Variants in BBS9 observed in about 807,000 individuals in gnomAD.
BBS9 encodes protein PTHB1.
In BBS9, 89 loss-of-function variants were observed where a neutral mutation model predicts 117.7. The ratio of observed to expected loss-of-function variants is 0.76; its 90% confidence interval spans 0.64 to 0.90. The LOEUF is 0.90. Among genes scored for constraint, BBS9 ranks in the 40% least tolerant of loss-of-function variants. The probability of loss-of-function intolerance (pLI) is 0.00; values close to 1 mark genes in which losing one functional copy is unlikely to be tolerated. For missense variants in BBS9, 982 were observed against 1,042.2 expected, an observed-to-expected ratio of 0.94 and a Z score of 0.80; for synonymous variants, 379 against 370.9, an observed-to-expected ratio of 1.02 and a Z score of -0.25.
intron 7 of BBS9, among the ~76,000 whole-genome samples, chr7:33,270,538 G>A (rs1383739900): frequency 6.6e-6 from 1 of 152,188 alleles, no homozygotes; most frequent in African/African-American, 2.4e-5. Flanking sequence ...TGATAAAGCT[G>A]TAAAACACAC....
At chr7:33,347,695 A>G (rs1817858428) in intron 12 of BBS9, among the ~76,000 whole-genome samples, 1 of 151,838 alleles carries the variant, frequency 6.6e-6, no homozygotes, top group Non-Finnish European at 1.5e-5. Context: ...TTATGTGTTC[A>G]TAATGTTTGT....
At chr7:33,515,418 A>T (rs1192636884) in intron 20 of BBS9, among the ~76,000 whole-genome samples, 2 of 152,168 alleles carry the variant, frequency 1.3e-5, no homozygotes, top group Non-Finnish European at 2.9e-5. Flanking sequence ...AGCATTGTTG[A>T]TGCGGCATTT....
intron 21 of BBS9, among the ~76,000 whole-genome samples, chr7:33,616,074 A>G (rs994168898): frequency 6.6e-6 from 1 of 152,062 alleles, no homozygotes; most frequent in African/African-American, 2.4e-5. Context: ...GAAAAGGAAA[A>G]TAATATAGGT....
At chr7:33,493,141 T>A (rs752773852) in intron 19 of BBS9, among the ~76,000 whole-genome samples, 4 of 152,098 alleles carry the variant, frequency 2.6e-5, no homozygotes, top group Non-Finnish European at 5.9e-5. Flanking sequence ...ATTACAGGCA[T>A]GAGCCACTAT....
chr7:33,158,575 C>G (rs1794404283), intron 4 of BBS9, among the ~76,000 whole-genome samples: 1 of 152,028 alleles, frequency 6.6e-6, no homozygotes, highest in African/African-American at 2.4e-5. Context: ...GTGCTATTAC[C>G]TGACATTTAA....
Position 33,328,424 on chromosome 7 carries a change from G to A in BBS9, c.1017-8017G>A, listed in dbSNP as rs886820798. Among the ~76,000 whole-genome samples the A allele has an allele frequency of 5.3e-5, 8 of 152,190 alleles. 1 individual carries two copies. Among genetic ancestry groups the A allele is most frequent in the Non-Finnish European group, 1.2e-4 (8 of 68,032 alleles). On this transcript the variant is annotated intron_variant, in intron 9 of 22. Coordinates refer to ENST00000242067, the MANE Select transcript of BBS9 (RefSeq NM_198428.3). Reference sequence around the variant, plus strand: ...TAGCAGATGCTCAATAAAAATGTCTGAAATGATTAATGGTGGATTGATTAA... The same window carrying A: ...TAGCAGATGCTCAATAAAAATGTCTAAAATGATTAATGGTGGATTGATTAA...
chr7:33,498,535 T>C (rs994692249), intron 19 of BBS9, among the ~76,000 whole-genome samples: 6 of 152,032 alleles, frequency 3.9e-5, no homozygotes, highest in Non-Finnish European at 7.4e-5. Flanking sequence ...CCCCCAGCCC[T>C]AAGCAACTAT....
chr7:33,292,949 T>C (rs1007268920), intron 9 of BBS9, among the ~76,000 whole-genome samples: 1 of 150,210 alleles, frequency 6.7e-6, no homozygotes, highest in East Asian at 2.0e-4. Flanking sequence ...GAGGTTGCAG[T>C]CAGCTGAGAT....
chr7:33,335,767 A>G (rs1815225638), intron 9 of BBS9, among the ~76,000 whole-genome samples: 1 of 152,146 alleles, frequency 6.6e-6, no homozygotes, highest in African/African-American at 2.4e-5. Context: ...AAATGGGACA[A>G]TTGGCTGCTT....
At chr7:33,535,260 C>A (rs111604392) in intron 21 of BBS9, among the ~76,000 whole-genome samples, 1 of 152,210 alleles carries the variant, frequency 6.6e-6, no homozygotes, top group Admixed American at 6.5e-5. Flanking sequence ...AATGTAATAA[C>A]GCTTGCCCTG....
chr7:33,140,174 G>A (rs1354720221), intron 1 of BBS9, among the ~76,000 whole-genome samples: 9 of 151,942 alleles, frequency 5.9e-5, no homozygotes, highest in Admixed American at 1.3e-4. Flanking sequence ...ACAGGCACCC[G>A]CCACCACACC....
At chr7:33,527,065 TCAGG>T (rs1849650397) in intron 20 of BBS9, among the ~76,000 whole-genome samples, 1 of 151,342 alleles carries the variant, frequency 6.6e-6, no homozygotes, top group Non-Finnish European at 1.5e-5. Context: ...TGCTCGGGGG[TCAGG>T]GGTCAGGCAC....
chr7:33,425,145 A>G (rs1290663185), intron 19 of BBS9, among the ~76,000 whole-genome samples: 2 of 152,114 alleles, frequency 1.3e-5, no homozygotes, highest in African/African-American at 2.4e-5. Flanking sequence ...CCATTTTGTT[A>G]TCTACCATTC....
intron 5 of BBS9, among the ~76,000 whole-genome samples, chr7:33,212,034 T>C (rs1788127965): frequency 6.6e-6 from 1 of 152,232 alleles, no homozygotes; most frequent in Non-Finnish European, 1.5e-5. Flanking sequence ...GTTTGATTAT[T>C]AGATGCCTTG....
At chr7:33,338,880 C>T (rs1408962637) in intron 10 of BBS9, among the ~76,000 whole-genome samples, 3 of 152,078 alleles carry the variant, frequency 2.0e-5, no homozygotes, top group African/African-American at 4.8e-5. Flanking sequence ...GGACTGGGTG[C>T]AACATTGAGA....
chr7:33,141,716 A>C (rs1322616172), intron 1 of BBS9, among the ~76,000 whole-genome samples: 1 of 152,158 alleles, frequency 6.6e-6, no homozygotes, highest in South Asian at 2.1e-4. Context: ...AGATAGTTCT[A>C]AGAAATTAAT....
At chr7:33,261,786 C>T (rs1798018242) in intron 6 of BBS9, among the ~76,000 whole-genome samples, 1 of 152,152 alleles carries the variant, frequency 6.6e-6, no homozygotes, top group Non-Finnish European at 1.5e-5. Flanking sequence ...AGTCAAAAAG[C>T]ACCACCGTTT....
chr7:33,354,901 G>A lies in BBS9; in HGVS notation c.1552+2028G>A, dbSNP rs902234084. ...TAGGTTAGGAAGGGAAATGTTTGAAGGAGAGGTGATTATATCTGGTAAAAA... is the reference window on the plus strand; with the variant it reads ...TAGGTTAGGAAGGGAAATGTTTGAAAGAGAGGTGATTATATCTGGTAAAAA... On this transcript the variant is annotated intron_variant, in intron 15 of 22. Transcript: ENST00000242067. Among the ~76,000 whole-genome samples the A allele has an allele frequency of 2.0e-5, 3 of 152,056 alleles. No homozygotes were observed. The East Asian group carries it at 5.8e-4, about 29-fold the overall frequency.
chr7:33,533,880 C>T, intron 20 of BBS9, 74 bp from the exon 21 acceptor site: 4 of 1,474,020 alleles, frequency 2.7e-6, no homozygotes, highest in Non-Finnish European at 3.8e-6. Flanking sequence ...ACTCAATAAT[C>T]TGTATAATAC....
Sources: gnomAD v4.1 joint callset for allele counts (sites outside exome capture counted in the v4.1 genomes callset) on GRCh38, gnomAD v4.1.1 for gene constraint, MANE v1.5 for transcripts, NCBI Gene and HGNC (gene_info 2026-07-23, HGNC 2026-07-21) for gene names.